The following PRPS2 variants were observed in gnomAD, a reference collection of about 807,000 sequenced individuals.
PRPS2 encodes the protein phosphoribosyl pyrophosphate synthetase 2, also known as ribose-phosphate pyrophosphokinase 2.
For missense variants in PRPS2, 104 were observed against 271.5 expected, an observed-to-expected ratio of 0.38 and a Z score of 4.34; for synonymous variants, 111 against 115.3, an observed-to-expected ratio of 0.96 and a Z score of 0.24.
At chrX:12,810,267 G>A (rs1462064294) in intron 4 of PRPS2, 121 bp downstream of exon 4, 1 of 924,963 alleles carries the variant, frequency 1.1e-6, no homozygotes, top group South Asian at 2.5e-5. Flanking sequence ...TAATGAGCAA[G>A]TAAGTAGACC....
intron 6 of PRPS2, 50 bp from the exon 7 acceptor site, chrX:12,822,654 C>A: frequency 9.3e-7 from 1 of 1,074,680 alleles, no homozygotes; most frequent in African/African-American, 1.8e-5. Context: ...AGAACTCTAA[C>A]TAAGATGTCC....
rs2042516951 is a variant in PRPS2, at chrX:12,791,427, C to T, written c.-71C>T. ...TCCCGCTCCCGCAGCAGCAGCCTCC[C>T]GCGTCGCTGTCGCTGTTGCCTCCGC... On this transcript the variant is annotated 5_prime_UTR_variant, in exon 1 of 7. Coordinates refer to ENST00000380668, the MANE Select transcript of PRPS2 (RefSeq NM_002765.5). 1 of 1,137,285 alleles carries T rather than the reference C, an allele frequency of 8.8e-7. No individual in the cohort carries two copies. The highest frequency in any genetic ancestry group is 1.2e-6 in the Non-Finnish European group (1 of 851,900). The allele number at this position is 1,137,285 out of a possible 1,213,427, so 93.7% of individuals were successfully genotyped here.
intron 5 of PRPS2, among the ~76,000 whole-genome samples, chrX:12,820,432 C>T (rs2042669978): frequency 9.0e-6 from 1 of 111,437 alleles, no homozygotes; most frequent in Non-Finnish European, 1.9e-5. Context: ...ATTATCCTGG[C>T]TCAAGTGCCA....
intron 2 of PRPS2, among the ~76,000 whole-genome samples, chrX:12,805,394 G>A (rs779801168): frequency 5.4e-5 from 6 of 111,879 alleles, no homozygotes; most frequent in Admixed American, 9.5e-5. Flanking sequence ...ACCATATTAT[G>A]ATACATGAGT....
chrX:12,796,852 ATTTTTTTTT>A (rs35240522), intron 1 of PRPS2, among the ~76,000 whole-genome samples: 1 of 34,241 alleles, frequency 2.9e-5, no homozygotes, highest in Non-Finnish European at 4.8e-5. Context: ...AGTATTTCAG[ATTTTTTTTT>A]TTTTTTTTTT....
intron 1 of PRPS2, among the ~76,000 whole-genome samples, chrX:12,792,636 A>G (rs886240257): frequency 8.9e-6 from 1 of 112,176 alleles, no homozygotes; most frequent in Non-Finnish European, 1.9e-5. Context: ...TAATTTTTAT[A>G]TCTTTGGCAA....
At chrX:12,793,686 G>GA (rs1242888166) in intron 1 of PRPS2, among the ~76,000 whole-genome samples, 2 of 112,238 alleles carry the variant, frequency 1.8e-5, no homozygotes, top group African/African-American at 6.5e-5. Flanking sequence ...TCGTAGAGAG[G>GA]AAAAACTGAA....
intron 4 of PRPS2, 31 bp downstream of exon 4, chrX:12,810,177 T>C: frequency 8.3e-7 from 1 of 1,204,169 alleles, no homozygotes; most frequent in Non-Finnish European, 1.1e-6. Flanking sequence ...TGCAGATTTC[T>C]CCATCTGCTG....
intron 2 of PRPS2, among the ~76,000 whole-genome samples, chrX:12,801,863 C>T (rs1008116168): frequency 1.8e-5 from 2 of 112,519 alleles, no homozygotes; most frequent in African/African-American, 6.5e-5. Context: ...CCCGCCTTGG[C>T]CTCCCAAAGT....
chrX:12,808,474 G>A (rs2042605735), intron 2 of PRPS2, among the ~76,000 whole-genome samples: 1 of 112,070 alleles, frequency 8.9e-6, no homozygotes, highest in African/African-American at 3.2e-5. Flanking sequence ...TTTCTTTGAT[G>A]TGGGCAGTTG....
intron 6 of PRPS2, among the ~76,000 whole-genome samples, chrX:12,821,331 G>A (rs1441812259): frequency 9.1e-6 from 1 of 110,053 alleles, no homozygotes; most frequent in South Asian, 3.9e-4. Flanking sequence ...TGAAAACATC[G>A]TGCTAAGTGA....
chrX:12,822,621 C>G, intron 6 of PRPS2, 83 bp from the exon 7 acceptor site: 1 of 913,919 alleles, frequency 1.1e-6, no homozygotes, highest in South Asian at 2.0e-5. Flanking sequence ...TGTTTCTCAG[C>G]TTTCCAGCTT....
intron 2 of PRPS2, among the ~76,000 whole-genome samples, chrX:12,806,225 C>CT (rs1001205238): frequency 4.5e-5 from 5 of 110,413 alleles, no homozygotes; most frequent in Non-Finnish European, 9.5e-5. Flanking sequence ...ATAAGATTTT[C>CT]TTTTTTTCCT....
At chrX:12,810,370 G>A in intron 4 of PRPS2, 1 of 349,640 alleles carries the variant, frequency 2.9e-6, no homozygotes, top group Non-Finnish European at 4.8e-6. Flanking sequence ...ATACACAATA[G>A]GTATATATTG....
chrX:12,808,633 T>A (rs895145090), intron 2 of PRPS2, among the ~76,000 whole-genome samples: 2 of 112,364 alleles, frequency 1.8e-5, no homozygotes, highest in Non-Finnish European at 3.7e-5. Flanking sequence ...TTGACCTTGT[T>A]TTTTTCCATT....
chrX:12,797,824 C>T (rs919474042), intron 1 of PRPS2, among the ~76,000 whole-genome samples: 1 of 112,205 alleles, frequency 8.9e-6, no homozygotes, highest in African/African-American at 3.2e-5. Context: ...GAATTCTGTA[C>T]CTGGAAATAC....
chrX:12,810,626 G>A (rs1208954520), intron 4 of PRPS2, among the ~76,000 whole-genome samples: 1 of 111,126 alleles, frequency 9.0e-6, no homozygotes, highest in Non-Finnish European at 1.9e-5. Flanking sequence ...CTTGGGGGAT[G>A]GGCATCAGAT....
At chrX:12,797,673 T>C (rs753550978) in intron 1 of PRPS2, among the ~76,000 whole-genome samples, 1 of 112,187 alleles carries the variant, frequency 8.9e-6, no homozygotes, top group East Asian at 2.8e-4. Flanking sequence ...TTTCAAAACA[T>C]AGCAGAGCTG....
At chrX:12,799,527 T>A in intron 2 of PRPS2, 137 bp downstream of exon 2, 1 of 732,494 alleles carries the variant, frequency 1.4e-6, no homozygotes, top group Non-Finnish European at 1.9e-6. Flanking sequence ...GCTTTCTTAT[T>A]TTGTTTGTTG....
Sources: allele counts gnomAD v4.1 joint callset (sites outside exome capture counted in the v4.1 genomes callset), GRCh38; gene constraint gnomAD v4.1.1; transcripts MANE v1.5; gene names NCBI Gene and HGNC (gene_info 2026-07-23, HGNC 2026-07-21).